The following SEMA3A variants were observed in gnomAD, a reference collection of about 807,000 sequenced individuals.
The protein encoded by SEMA3A is semaphorin 3A.
A neutral mutation model predicts 97.9 loss-of-function variants in SEMA3A; 29 were observed. That is an observed-to-expected ratio of 0.30 (90% CI 0.22 to 0.40). The LOEUF is 0.40. Among genes scored for constraint, SEMA3A ranks in the 10% least tolerant of loss-of-function variants. The pLI is 1.00. For missense variants in SEMA3A, 763 were observed against 951.3 expected (o/e 0.80, Z 2.60); for synonymous variants, 321 against 323.7 (o/e 0.99, Z 0.09).
At chr7:84,134,261 A>G (rs1488208053) in intron 2 of SEMA3A, among the ~76,000 whole-genome samples, 2 of 152,170 alleles carry the variant, frequency 1.3e-5, no homozygotes, top group Non-Finnish European at 2.9e-5. Context: ...TTTGTAGACC[A>G]GTTGATACCC....
chr7:84,402,887 A>G (rs1489405243), intron 1 of SEMA3A, among the ~76,000 whole-genome samples: 2 of 152,150 alleles, frequency 1.3e-5, no homozygotes, highest in Non-Finnish European at 2.9e-5. Flanking sequence ...GATAGTGACT[A>G]GAATGTTGGT....
chr7:84,286,692 G>A (rs1800597981), intron 3 of SEMA3A, among the ~76,000 whole-genome samples: 2 of 152,002 alleles, frequency 1.3e-5, no homozygotes, highest in Non-Finnish European at 2.9e-5. Context: ...GAATTCAAAG[G>A]TAGTCCACTT....
intron 1 of SEMA3A, among the ~76,000 whole-genome samples, chr7:84,487,602 T>C (rs1304110885): frequency 6.6e-6 from 1 of 152,068 alleles, no homozygotes; most frequent in Non-Finnish European, 1.5e-5. Flanking sequence ...ACTAGATAAT[T>C]CAAAAAGGAT....
At chr7:84,441,106 C>T (rs935510272) in intron 1 of SEMA3A, among the ~76,000 whole-genome samples, 4 of 151,520 alleles carry the variant, frequency 2.6e-5, no homozygotes, top group South Asian at 2.1e-4. Flanking sequence ...TGTGGTGAGC[C>T]GAGATTGCAC....
intron 4 of SEMA3A, among the ~76,000 whole-genome samples, chr7:84,072,620 A>C (rs969851717): frequency 2.0e-5 from 3 of 152,204 alleles, no homozygotes; most frequent in Admixed American, 6.6e-5. Flanking sequence ...TTAATGATTC[A>C]GTAGATACAT....
At chr7:83,986,896 C>T (rs915552478) in intron 12 of SEMA3A, among the ~76,000 whole-genome samples, 3 of 151,886 alleles carry the variant, frequency 2.0e-5, no homozygotes, top group African/African-American at 7.3e-5. Flanking sequence ...ACATGTAAAA[C>T]ACATTACAAA....
At chr7:84,349,043 A>C (rs181078517) in intron 2 of SEMA3A, among the ~76,000 whole-genome samples, 31 of 152,310 alleles carry the variant, frequency 2.0e-4, no homozygotes, top group African/African-American at 7.0e-4. Flanking sequence ...GTGTGTGTAC[A>C]TGTGTGAGTT....
intron 1 of SEMA3A, among the ~76,000 whole-genome samples, chr7:84,405,447 G>T (rs1804052142): frequency 1.3e-5 from 2 of 152,114 alleles, no homozygotes; most frequent in Non-Finnish European, 2.9e-5. Context: ...ACAATAATGG[G>T]AGACTTTAAC....
At chr7:84,138,253 T>C (rs1796204203) in intron 1 of SEMA3A, among the ~76,000 whole-genome samples, 1 of 152,102 alleles carries the variant, frequency 6.6e-6, no homozygotes, top group Non-Finnish European at 1.5e-5. Context: ...TTACTAAGTG[T>C]CCTAACTTGT....
chr7:84,060,423 T>C lies in SEMA3A; in HGVS notation c.547+42A>G, dbSNP rs1444036590. On this transcript the variant is annotated intron_variant, in intron 5 of 16. Transcript: ENST00000265362. The stretch of plus-strand genomic sequence containing the variant: ...AAAAGAACATACAACCTGTTTGTTA[T>C]TTATAGAAAACTCACTATTTAATTG... The C allele has an allele frequency of 3.2e-6, 4 of 1,265,480 alleles. No individual in the cohort carries two copies. The Admixed American group carries it at 7.2e-5, about 23-fold the overall frequency. 78.4% of individuals were successfully genotyped at this position (1,265,480 alleles called of 1,614,324 possible).
chr7:84,117,875 T>C (rs570985479), intron 3 of SEMA3A, among the ~76,000 whole-genome samples: 2 of 152,282 alleles, frequency 1.3e-5, no homozygotes, highest in East Asian at 3.9e-4. Context: ...CAACTAAAAA[T>C]GAGATTAATG....
At chr7:84,130,421 C>A (rs1795929217) in intron 2 of SEMA3A, among the ~76,000 whole-genome samples, 1 of 152,026 alleles carries the variant, frequency 6.6e-6, no homozygotes, top group Non-Finnish European at 1.5e-5. Context: ...AAACAATATA[C>A]CCTAAAAATT....
intron 3 of SEMA3A, among the ~76,000 whole-genome samples, chr7:84,118,790 C>A (rs973871660): frequency 1.6e-4 from 25 of 152,110 alleles, no homozygotes; most frequent in Admixed American, 1.0e-3. Flanking sequence ...TAGTTACCTA[C>A]AACAACTTCA....
rs1464524182 is a variant in SEMA3A, at chr7:84,374,854, T to C, written c.-245-2954A>G. 3.9e-5 allele frequency among the ~76,000 whole-genome samples: 6 copies of C among 152,220 alleles called. No individual in the cohort carries two copies. In the East Asian group the frequency reaches 1.2e-3, roughly 29 times the overall value. On this transcript the variant is annotated intron_variant, in intron 1 of 3. Transcript: ENST00000424555. Reference sequence around the variant, plus strand: ...AGGGAATCAGAGGCTTAACTGTGCTTGTGAGATGTATGTAACTGGATCAGC... The same window carrying C: ...AGGGAATCAGAGGCTTAACTGTGCTCGTGAGATGTATGTAACTGGATCAGC...
chr7:84,089,539 T>C (rs1185553240), intron 4 of SEMA3A, among the ~76,000 whole-genome samples: 1 of 152,128 alleles, frequency 6.6e-6, no homozygotes, highest in Non-Finnish European at 1.5e-5. Context: ...CCTTCAGTCA[T>C]TTGACTGAAA....
At chr7:84,279,799 T>C (rs600346) in intron 3 of SEMA3A, among the ~76,000 whole-genome samples, 107,846 of 152,134 alleles carry the variant, frequency 0.71, 38,445 homozygotes, top group East Asian at 0.79. Flanking sequence ...AGCCAGTGTA[T>C]TCACTAGGAA....
intron 10 of SEMA3A, among the ~76,000 whole-genome samples, 164 bp from the exon 11 acceptor site, chr7:84,005,722 T>C (rs1584536722): frequency 6.6e-6 from 1 of 152,004 alleles, no homozygotes; most frequent in South Asian, 2.1e-4. Flanking sequence ...CCGATGCGGG[T>C]GGATCACTTG....
intron 2 of SEMA3A, among the ~76,000 whole-genome samples, chr7:84,333,006 A>T (rs1045586628): frequency 1.3e-5 from 2 of 152,136 alleles, no homozygotes; most frequent in Non-Finnish European, 2.9e-5. Context: ...CTTTAATAAT[A>T]TATCAGGACT....
intron 3 of SEMA3A, among the ~76,000 whole-genome samples, chr7:84,279,499 T>C (rs1052896088): frequency 6.6e-6 from 1 of 151,994 alleles, no homozygotes; most frequent in Non-Finnish European, 1.5e-5. Context: ...ACTAAGGAAA[T>C]GCTCTTATTG....
Sources: allele counts gnomAD v4.1 joint callset (sites outside exome capture counted in the v4.1 genomes callset), GRCh38; gene constraint gnomAD v4.1.1; transcripts MANE v1.5; gene names NCBI Gene and HGNC (gene_info 2026-07-23, HGNC 2026-07-21).